Variants in INPP5B observed in about 807,000 individuals in gnomAD.
The protein encoded by INPP5B is type II inositol 1,4,5-trisphosphate 5-phosphatase.
INPP5B carries 90 observed loss-of-function variants against 118.5 expected under a neutral mutation model. The observed-to-expected ratio is 0.76, with a 90% CI of 0.64 to 0.90. The LOEUF (loss-of-function observed/expected upper bound fraction) is 0.90. Among genes scored for constraint, INPP5B ranks in the 40% least tolerant of loss-of-function variants. The pLI is 0.00. For missense variants in INPP5B, 984 were observed against 1,125.6 expected, an observed-to-expected ratio of 0.87 and a Z score of 1.80; for synonymous variants, 385 against 418.9, an observed-to-expected ratio of 0.92 and a Z score of 0.99.
intron 7 of INPP5B, among the ~76,000 whole-genome samples, chr1:37,905,041 A>G (rs1252248890): frequency 6.6e-6 from 1 of 152,214 alleles, no homozygotes; most frequent in Non-Finnish European, 1.5e-5. Context: ...TTGGTATATA[A>G]ATCATAAAGG....
chr1:37,939,834 C>T (rs1645849434), intron 6 of INPP5B, among the ~76,000 whole-genome samples: 1 of 152,186 alleles, frequency 6.6e-6, no homozygotes, highest in Admixed American at 6.6e-5. Flanking sequence ...CCTTGAACTC[C>T]TGGGCTCCGG....
chr1:37,880,437 T>TTATTTATTTATTTATA (rs1285003072), intron 14 of INPP5B, among the ~76,000 whole-genome samples: 1 of 151,838 alleles, frequency 6.6e-6, no homozygotes, highest in Non-Finnish European at 1.5e-5. Flanking sequence ...ATTTATTTAT[T>TTATTTATTTATTTATA]TATTTATTTA....
chr1:37,891,242 AGG>A, intron 8 of INPP5B, 114 bp downstream of exon 8: 2 of 636,686 alleles, frequency 3.1e-6, no homozygotes, highest in Non-Finnish European at 2.7e-6. Flanking sequence ...AAAAAAAAAA[AGG>A]ACACTTCCTA....
At chr1:37,908,354 GCCTCTCTTGCTACCCTTCAATCTT>G (rs1361512145) in intron 7 of INPP5B, among the ~76,000 whole-genome samples, 5 of 152,074 alleles carry the variant, frequency 3.3e-5, no homozygotes, top group African/African-American at 7.2e-5. Context: ...CTCTTCTCAT[GCCTCTCTTGCTACCCTTCAATCTT>G]CCTCTCTTGC....
At chr1:37,897,273 C>T (rs926074243) in intron 7 of INPP5B, among the ~76,000 whole-genome samples, 3 of 148,614 alleles carry the variant, frequency 2.0e-5, no homozygotes, top group East Asian at 2.0e-4. Flanking sequence ...ATGACAATGG[C>T]GGTTTTGTGG....
At chr1:37,931,832 C>T (rs1287239063) in intron 7 of INPP5B, 81 bp downstream of exon 7, 4 of 1,610,690 alleles carry the variant, frequency 2.5e-6, no homozygotes, top group Non-Finnish European at 3.4e-6. Context: ...TCCATCGCTC[C>T]GCCCCAAAAC....
chr1:37,942,869 A>T (rs752331283), intron 5 of INPP5B, among the ~76,000 whole-genome samples: 1 of 144,748 alleles, frequency 6.9e-6, no homozygotes, highest in Non-Finnish European at 1.5e-5. Context: ...AGATCATGCC[A>T]CTGTACTCCA....
chr1:37,943,552 G>T, intron 5 of INPP5B, 88 bp downstream of exon 5: 1 of 1,405,604 alleles, frequency 7.1e-7, no homozygotes, highest in South Asian at 1.2e-5. Flanking sequence ...AGTTTAGCAG[G>T]GGGTGCTCTT....
intron 13 of INPP5B, chr1:37,883,527 A>C: frequency 1.0e-6 from 1 of 985,436 alleles, no homozygotes; most frequent in Non-Finnish European, 1.2e-6. Flanking sequence ...GACACTGTAC[A>C]TCTCATTAAG....
chr1:37,911,485 A>G (rs750554549), intron 7 of INPP5B, among the ~76,000 whole-genome samples: 1 of 152,096 alleles, frequency 6.6e-6, no homozygotes, highest in African/African-American at 2.4e-5. Context: ...TATTGATGGC[A>G]GTTCCACCAG....
intron 6 of INPP5B, among the ~76,000 whole-genome samples, chr1:37,935,412 T>A (rs1645648771): frequency 6.6e-6 from 1 of 151,254 alleles, no homozygotes; most frequent in Non-Finnish European, 1.5e-5. Flanking sequence ...CAGGCTGGTC[T>A]TGAACTCCTG....
At chr1:37,936,656 G>A (rs1016951268) in intron 6 of INPP5B, among the ~76,000 whole-genome samples, 3 of 151,916 alleles carry the variant, frequency 2.0e-5, no homozygotes, top group Non-Finnish European at 4.4e-5. Flanking sequence ...TTATAGGGGA[G>A]AGGGTGCCAT....
At chr1:37,908,317 C>T (rs9729284) in intron 7 of INPP5B, among the ~76,000 whole-genome samples, 116,685 of 152,098 alleles carry the variant, frequency 0.77, 45,250 homozygotes, top group African/African-American at 0.89. Context: ...ATCTCACCAA[C>T]TTCAAATTGG....
Position 37,868,508 on chromosome 1 carries a change from A to C in INPP5B, c.2294T>G (p.Val765Gly). The C allele has an allele frequency of 6.2e-7, 1 of 1,611,078 alleles. No homozygotes were observed. Among genetic ancestry groups the C allele is most frequent in the South Asian group, 1.1e-5 (1 of 90,996 alleles). Residue 765 changes from valine to glycine, a missense_variant, in exon 20 of 24, where the codon GTC becomes GGC. This residue lies in a region of INPP5B where 634 missense variants were observed against 791.0 expected (regional missense o/e 0.80). Coordinates refer to ENST00000373024, the MANE Select transcript of INPP5B (RefSeq NM_005540.3). ...TGCTTAAACACAACCTACCTGCTGG[A>C]CAGCATTTCGGTACAGGTAATCAAC... is the stretch of plus-strand genomic sequence containing the variant. ...MMVDYLYRNAVQQEDLFQQPG... is the reference protein window; with the variant it reads ...MMVDYLYRNAGQQEDLFQQPG...
intron 7 of INPP5B, among the ~76,000 whole-genome samples, chr1:37,897,809 G>C (rs999783078): frequency 3.3e-5 from 5 of 152,060 alleles, no homozygotes; most frequent in African/African-American, 1.2e-4. Context: ...AGTGGCACAT[G>C]CCCATAGTCC....
At chr1:37,889,437 G>A (rs1464782344) in intron 9 of INPP5B, 120 bp downstream of exon 9, 12 of 731,524 alleles carry the variant, frequency 1.6e-5, no homozygotes. Flanking sequence ...TTTTGAAAAT[G>A]AGGGGAGAGA....
intron 7 of INPP5B, among the ~76,000 whole-genome samples, chr1:37,913,615 T>G (rs1218207809): frequency 6.6e-6 from 1 of 152,096 alleles, no homozygotes; most frequent in Admixed American, 6.6e-5. Flanking sequence ...CCAAAATCTT[T>G]CTTCAGTTTA....
At chr1:37,904,109 G>A (rs1644424517) in intron 7 of INPP5B, among the ~76,000 whole-genome samples, 1 of 151,558 alleles carries the variant, frequency 6.6e-6, no homozygotes, top group Non-Finnish European at 1.5e-5. Context: ...GACAGATCAC[G>A]AGGTCAGGAA....
At chr1:37,894,282 C>A (rs1013132572) in intron 7 of INPP5B, among the ~76,000 whole-genome samples, 1 of 152,196 alleles carries the variant, frequency 6.6e-6, no homozygotes, top group Non-Finnish European at 1.5e-5. Context: ...TCCAAGAAGA[C>A]TTCTCTAACC....
Sources: allele counts gnomAD v4.1 joint callset (sites outside exome capture counted in the v4.1 genomes callset), GRCh38; gene constraint gnomAD v4.1.1; regional missense constraint gnomAD v4.1.1; transcripts MANE v1.5; gene names NCBI Gene and HGNC (gene_info 2026-07-23, HGNC 2026-07-21).